Variants in TSC22D3 observed in about 807,000 individuals in gnomAD.
TSC22D3 encodes TSC22 domain family protein 3.
A neutral mutation model predicts 11.1 loss-of-function variants in TSC22D3; 4 were observed. The observed-to-expected ratio is 0.36, with a 90% CI of 0.18 to 0.83. The LOEUF (loss-of-function observed/expected upper bound fraction) is 0.83, where lower values mean the gene tolerates loss of function less well. Among genes scored for constraint, TSC22D3 ranks in the 40% least tolerant of loss-of-function variants. TSC22D3 has a pLI of 0.48. For synonymous variants in TSC22D3, 77 were observed against 70.3 expected, an observed-to-expected ratio of 1.10 and a Z score of -0.48; for missense variants, 118 against 159.4, an observed-to-expected ratio of 0.74 and a Z score of 1.40.
Position 107,742,281 on chromosome X carries a change from A to AGAGAG in TSC22D3, c.321-26332_321-26331insCTCTC, listed in dbSNP as rs1928441990. Among the ~76,000 whole-genome samples, 107 of 56,808 alleles carry AGAGAG rather than the reference A, an allele frequency of 1.9e-3. 5 individuals are homozygous for AGAGAG. The highest frequency in any genetic ancestry group is 7.8e-3 in the African/African-American group (98 of 12,589). 49.3% of individuals were successfully genotyped at this position (56,808 alleles called of 115,157 possible). On this transcript the variant is annotated intron_variant, in intron 1 of 2. Transcript: ENST00000372383. ...TATTTGAGAGAGAGAGAGAGAGAGAAAGAGAGAGAGAGAGAGAGAGAGAGA... is the reference window on the plus strand; with the variant it reads ...TATTTGAGAGAGAGAGAGAGAGAGAAGAGAGAGAGAGAGAGAGAGAGAGAGAGAGA...
intron 1 of TSC22D3, among the ~76,000 whole-genome samples, chrX:107,764,276 C>T (rs1280703557): frequency 8.9e-6 from 1 of 112,205 alleles, no homozygotes; most frequent in Non-Finnish European, 1.9e-5. Flanking sequence ...GTACCTGCCA[C>T]CAAGTCTGGC....
chrX:107,717,039 C>A (rs1927084535), intron 1 of TSC22D3: 9 of 983,218 alleles, frequency 9.2e-6, no homozygotes, highest in Non-Finnish European at 1.1e-5. Flanking sequence ...ACAAACTCCA[C>A]GGCCGCCAGT....
chrX:107,733,776 C>A (rs1335211769), intron 1 of TSC22D3, among the ~76,000 whole-genome samples: 2 of 112,110 alleles, frequency 1.8e-5, no homozygotes, highest in Non-Finnish European at 3.8e-5. Context: ...GTGGAACACC[C>A]AGCATGTGCT....
At chrX:107,738,642 G>A (rs1928253609) in intron 1 of TSC22D3, among the ~76,000 whole-genome samples, 1 of 113,270 alleles carries the variant, frequency 8.8e-6, no homozygotes, top group Admixed American at 9.2e-5. Flanking sequence ...TGGGGCATAG[G>A]GAGTCTGGCC....
rs908719864 is a variant in TSC22D3, at chrX:107,713,495, C to T, written c.*1024G>A. 8.9e-6 allele frequency: 1 copy of T among 112,450 alleles called. No homozygotes were observed. Among genetic ancestry groups the T allele is most frequent in the African/African-American group, 3.3e-5 (1 of 30,759 alleles). 9.3% of individuals were successfully genotyped at this position (112,450 alleles called of 1,213,427 possible). A position where few individuals can be genotyped will look rare whatever the true frequency, so the allele number is the denominator to read the frequency against. On this transcript the variant is annotated 3_prime_UTR_variant, in exon 3 of 3. Transcript: ENST00000372383. The stretch of plus-strand genomic sequence containing the variant: ...AATAATTACAAAACAAAACAAAAAA[C>T]GTTTTCAAATGACACTGTGAAGCCC...
intron 1 of TSC22D3, among the ~76,000 whole-genome samples, chrX:107,769,310 C>T (rs1188832445): frequency 1.8e-5 from 2 of 112,219 alleles, no homozygotes; most frequent in African/African-American, 6.5e-5. Context: ...TTTTATTCAG[C>T]CATAAAAAGA....
rs1260949145 is a variant in TSC22D3, at chrX:107,714,179, T to C, written c.*340A>G. On this transcript the variant is annotated 3_prime_UTR_variant, in exon 3 of 3. Coordinates refer to ENST00000372383, the MANE Select transcript of TSC22D3 (RefSeq NM_198057.3). ...GATGAGAAACAGACCCCTTAAACTT[T>C]CTGGAGCAAACTGGTGTCACACCTC... 2.1e-5 allele frequency: 4 copies of C among 192,226 alleles called. No homozygotes were observed. Among genetic ancestry groups the C allele is most frequent in the Non-Finnish European group, 2.9e-5 (3 of 103,964 alleles). 15.8% of individuals were successfully genotyped at this position (192,226 alleles called of 1,213,427 possible). A position where few individuals can be genotyped will look rare whatever the true frequency, so the allele number is the denominator to read the frequency against.
intron 1 of TSC22D3, among the ~76,000 whole-genome samples, chrX:107,737,909 G>A (rs1006727046): frequency 8.0e-5 from 9 of 112,110 alleles, no homozygotes; most frequent in Non-Finnish European, 1.7e-4. Flanking sequence ...GTGTGCCATC[G>A]TGTGGGTCCC....
intron 1 of TSC22D3, among the ~76,000 whole-genome samples, chrX:107,771,634 G>GTTGA (rs777170934): frequency 8.9e-6 from 1 of 112,578 alleles, no homozygotes; most frequent in Admixed American, 9.4e-5. Context: ...ATTCCAAAGA[G>GTTGA]TTGATGTAAA....
chrX:107,774,862 C>T, intron 1 of TSC22D3: 2 of 428,379 alleles, frequency 4.7e-6, no homozygotes. Context: ...TTCTAGGCCC[C>T]AGCGTCCCCA....
At chrX:107,739,680 G>A (rs368877528) in intron 1 of TSC22D3, among the ~76,000 whole-genome samples, 1 of 112,871 alleles carries the variant, frequency 8.9e-6, no homozygotes, top group East Asian at 2.8e-4. Flanking sequence ...GGCCAGTCTA[G>A]TCTGTCCCAT....
At chrX:107,747,235 C>T (rs1928713321) in intron 1 of TSC22D3, among the ~76,000 whole-genome samples, 1 of 112,980 alleles carries the variant, frequency 8.9e-6, no homozygotes, top group South Asian at 3.6e-4. Flanking sequence ...TGTCCTCTTG[C>T]AGCTTGCTTA....
At chrX:107,725,198 C>T (rs183523192) in intron 1 of TSC22D3, among the ~76,000 whole-genome samples, 26 of 112,700 alleles carry the variant, frequency 2.3e-4, no homozygotes, top group African/African-American at 7.1e-4. Context: ...CCATATTCAA[C>T]ACTATCAGTT....
At chrX:107,725,001 G>A (rs188263611) in intron 1 of TSC22D3, among the ~76,000 whole-genome samples, 36 of 111,231 alleles carry the variant, frequency 3.2e-4, no homozygotes, top group African/African-American at 1.1e-3. Flanking sequence ...AGTGTGATCT[G>A]AAGGGTGGTG....
chrX:107,728,616 C>T (rs997920827), intron 1 of TSC22D3, among the ~76,000 whole-genome samples: 5 of 112,086 alleles, frequency 4.5e-5, no homozygotes, highest in Admixed American at 9.4e-5. Flanking sequence ...GCAGGCCTGA[C>T]GCTCTGAGTG....
chrX:107,766,452 G>GCCCCC (rs111524433), intron 1 of TSC22D3, among the ~76,000 whole-genome samples: 3 of 77,494 alleles, frequency 3.9e-5, no homozygotes, highest in African/African-American at 1.6e-4. Flanking sequence ...TGGAGTTTCC[G>GCCCCC]CCCCCCCCCC....
chrX:107,731,072 G>C (rs1486656121), intron 1 of TSC22D3, among the ~76,000 whole-genome samples: 6 of 112,743 alleles, frequency 5.3e-5, no homozygotes, highest in Non-Finnish European at 9.4e-5. Context: ...TTCTCAGTCA[G>C]ATCACAGGGG....
chrX:107,756,932 C>T (rs1344912246), intron 1 of TSC22D3, among the ~76,000 whole-genome samples: 1 of 112,412 alleles, frequency 8.9e-6, no homozygotes. Flanking sequence ...GTGGTGCCCC[C>T]AGCTGGGAAC....
At chrX:107,743,703 G>A (rs1928529300) in intron 1 of TSC22D3, among the ~76,000 whole-genome samples, 1 of 112,233 alleles carries the variant, frequency 8.9e-6, no homozygotes, top group African/African-American at 3.2e-5. Flanking sequence ...TCAAGCCTGA[G>A]CTGGATTGAA....
Sources: gnomAD v4.1 joint callset for allele counts (sites outside exome capture counted in the v4.1 genomes callset) on GRCh38, gnomAD v4.1.1 for gene constraint, MANE v1.5 for transcripts, NCBI Gene and HGNC (gene_info 2026-07-23, HGNC 2026-07-21) for gene names.